The following ZNF148 variants were observed in gnomAD, a reference collection of about 807,000 sequenced individuals.
The protein encoded by ZNF148 is zinc finger protein 148.
Under a neutral mutation model 67.7 loss-of-function variants are expected in ZNF148, and 7 were observed. The ratio of observed to expected loss-of-function variants is 0.10; its 90% CI spans 0.06 to 0.19. The LOEUF (loss-of-function observed/expected upper bound fraction) is 0.19, where lower values mean the gene tolerates loss of function less well. Ranked by LOEUF, ZNF148 falls within the 10% of genes least tolerant of loss-of-function variation. The probability of loss-of-function intolerance (pLI) is 1.00; values close to 1 mark genes in which losing one functional copy is unlikely to be tolerated. For missense variants in ZNF148, 583 were observed against 947.1 expected (o/e 0.62, Z 5.05); for synonymous variants, 333 against 330.7 (o/e 1.01, Z -0.08).
chr3:125,287,523 C>T (rs572553517), intron 5 of ZNF148, among the ~76,000 whole-genome samples: 1 of 152,280 alleles, frequency 6.6e-6, no homozygotes, highest in South Asian at 2.1e-4. Flanking sequence ...CCTGTGGTCC[C>T]AGCTACTCAG....
chr3:125,331,191 G>A lies in ZNF148; in HGVS notation c.-186C>T, dbSNP rs1028293947. On this transcript the variant is annotated 5_prime_UTR_variant, in exon 2 of 9. Transcript: ENST00000360647. ...AATACGTTAGGCAAACGCCCATCCC[G>A]CCAGATCACGTGCTTGAATTTCCAA... 2.8e-5 allele frequency: 11 copies of A among 398,338 alleles called. No homozygotes were observed. Among genetic ancestry groups the A allele is most frequent in the South Asian group, 1.3e-4 (1 of 7,862 alleles). 24.7% of individuals were successfully genotyped at this position (398,338 alleles called of 1,614,324 possible).
intron 7 of ZNF148, among the ~76,000 whole-genome samples, chr3:125,250,198 A>G (rs1033915938): frequency 3.3e-5 from 5 of 152,228 alleles, no homozygotes; most frequent in African/African-American, 1.2e-4. Flanking sequence ...AGTGATGGTT[A>G]TGTTCATTAG....
At chr3:125,251,080 G>C (rs1191388333) in intron 7 of ZNF148, among the ~76,000 whole-genome samples, 1 of 152,114 alleles carries the variant, frequency 6.6e-6, no homozygotes, top group Non-Finnish European at 1.5e-5. Flanking sequence ...GAGTGTAACA[G>C]TCATAGAGAA....
At chr3:125,344,610 A>C (rs1941867499) in intron 1 of ZNF148, 4 of 771,732 alleles carry the variant, frequency 5.2e-6, no homozygotes, top group Non-Finnish European at 7.0e-6. Flanking sequence ...ATCCTGTCAT[A>C]GATGTACCAT....
chr3:125,344,680 T>C, intron 1 of ZNF148: 1 of 641,346 alleles, frequency 1.6e-6, no homozygotes, highest in Non-Finnish European at 2.9e-6. Flanking sequence ...TTCTCTCTGC[T>C]TCTTCTTTAT....
intron 7 of ZNF148, among the ~76,000 whole-genome samples, chr3:125,258,518 T>C (rs1358674348): frequency 6.6e-6 from 1 of 151,318 alleles, no homozygotes; most frequent in East Asian, 1.9e-4. Context: ...TCTCCCACCT[T>C]ATCCTCCCAA....
At chr3:125,304,960 G>C (rs1939796183) in intron 4 of ZNF148, among the ~76,000 whole-genome samples, 1 of 152,288 alleles carries the variant, frequency 6.6e-6, no homozygotes, top group East Asian at 1.9e-4. Flanking sequence ...CGACTGACGA[G>C]ATATGTCCAA....
At chr3:125,271,038 G>A (rs1463931419) in intron 7 of ZNF148, among the ~76,000 whole-genome samples, 1 of 151,946 alleles carries the variant, frequency 6.6e-6, no homozygotes, top group Non-Finnish European at 1.5e-5. Flanking sequence ...AAATATTTTA[G>A]CATAAAAATA....
At position 125,232,327 on chromosome 3, in the gene ZNF148, C is replaced by CT. The variant is rs35950048; in HGVS notation, c.*13dup. 5,821 of 1,460,378 alleles carry CT rather than the reference C, an allele frequency of 4.0e-3. No homozygotes were observed. The highest frequency in any genetic ancestry group is 1.0e-2 in the East Asian group (425 of 42,548). 90.5% of individuals were successfully genotyped at this position (1,460,378 alleles called of 1,614,324 possible). On this transcript the variant is annotated 3_prime_UTR_variant, in exon 9 of 9. Transcript: ENST00000360647. This position sits in a 1 kb window ranked among gnomAD's most constrained non-coding sequence, Gnocchi z 4.2. The stretch of plus-strand genomic sequence containing the variant: ...TTCTAAAGTGCCAGTATTATTTACA[C>CT]TTTTTTTTTTTTTTTAGCCAAAAGT...
chr3:125,230,786 G>A lies in ZNF148; in HGVS notation c.*1555C>T, dbSNP rs1935824480. The A allele has an allele frequency of 1.3e-5, 2 of 152,048 alleles. No individual in the cohort carries two copies. Among genetic ancestry groups the A allele is most frequent in the Non-Finnish European group, 2.9e-5 (2 of 67,954 alleles). 9.4% of individuals were successfully genotyped at this position (152,048 alleles called of 1,614,324 possible). On this transcript the variant is annotated 3_prime_UTR_variant, in exon 9 of 9. Transcript: ENST00000360647. ...TAGATTTTCACTGGTGCTATATCAG[G>A]ATGTGCATTGTGACAACGATGGCAG...
At chr3:125,237,126 G>T (rs1560104878) in intron 7 of ZNF148, among the ~76,000 whole-genome samples, 2 of 152,174 alleles carry the variant, frequency 1.3e-5, no homozygotes, top group Admixed American at 1.3e-4. Context: ...ATTGACTGAA[G>T]GCAGAGGAGC....
intron 1 of ZNF148, among the ~76,000 whole-genome samples, chr3:125,334,050 G>A (rs1416521099): frequency 6.6e-6 from 1 of 152,094 alleles, no homozygotes; most frequent in Non-Finnish European, 1.5e-5. Context: ...GTACAAACTT[G>A]TATACCTATA....
chr3:125,288,455 A>G (rs1407519091), intron 4 of ZNF148, among the ~76,000 whole-genome samples: 1 of 151,658 alleles, frequency 6.6e-6, no homozygotes, highest in East Asian at 1.9e-4. Flanking sequence ...TTTTTTTTTA[A>G]TCTACCTGAG....
At chr3:125,236,016 G>A (rs1936072022) in intron 7 of ZNF148, among the ~76,000 whole-genome samples, 1 of 150,758 alleles carries the variant, frequency 6.6e-6, no homozygotes, top group Non-Finnish European at 1.5e-5. Flanking sequence ...GAGTTAATGG[G>A]TGCAGCACAC....
intron 5 of ZNF148, among the ~76,000 whole-genome samples, chr3:125,287,358 G>C (rs1938716890): frequency 6.6e-6 from 1 of 152,158 alleles, no homozygotes; most frequent in Admixed American, 6.5e-5. Context: ...AAAAAAACAG[G>C]CCAGGAGTGG....
intron 7 of ZNF148, among the ~76,000 whole-genome samples, chr3:125,268,138 C>T (rs1314733466): frequency 3.3e-5 from 5 of 151,618 alleles, no homozygotes; most frequent in Non-Finnish European, 7.4e-5. Flanking sequence ...ATTGTCCATA[C>T]TTCCCAAAGC....
At chr3:125,364,621 T>A (rs571324284) in intron 1 of ZNF148, among the ~76,000 whole-genome samples, 1 of 144,834 alleles carries the variant, frequency 6.9e-6, no homozygotes, top group Admixed American at 7.0e-5. Flanking sequence ...CACACAACAC[T>A]ACTCTGTTAT....
At chr3:125,267,648 T>C (rs1358708141) in intron 7 of ZNF148, among the ~76,000 whole-genome samples, 7 of 152,116 alleles carry the variant, frequency 4.6e-5, no homozygotes, top group Admixed American at 2.6e-4. Context: ...GCTGGACACA[T>C]TCCCCCTAAG....
At chr3:125,302,868 A>G (rs1349136647) in intron 4 of ZNF148, among the ~76,000 whole-genome samples, 1 of 152,230 alleles carries the variant, frequency 6.6e-6, no homozygotes, top group Non-Finnish European at 1.5e-5. Context: ...TAGGGTATTT[A>G]TTCTAGAGAT....
Sources: gnomAD v4.1 joint callset for allele counts (sites outside exome capture counted in the v4.1 genomes callset) on GRCh38, gnomAD v4.1.1 for gene constraint, Gnocchi (gnomAD v3.1) non-coding constraint, MANE v1.5 for transcripts, NCBI Gene and HGNC (gene_info 2026-07-23, HGNC 2026-07-21) for gene names.